The following SAE1 variants were observed in gnomAD, a reference collection of about 807,000 sequenced individuals.
SAE1 encodes SUMO1 activating enzyme subunit 1, also known as SUMO-activating enzyme subunit 1.
SAE1 carries 11 observed loss-of-function variants against 40.6 expected under a neutral mutation model. That is an observed-to-expected ratio of 0.27 (90% CI 0.17 to 0.45). The LOEUF (loss-of-function observed/expected upper bound fraction) is 0.45. Ranked by LOEUF, SAE1 falls within the 20% of genes least tolerant of loss-of-function variation. The pLI is 1.00. For synonymous variants in SAE1, 155 were observed against 154.3 expected (o/e 1.00, Z -0.03); for missense variants, 373 against 427.3 (o/e 0.87, Z 1.12).
intron 6 of SAE1, among the ~76,000 whole-genome samples, chr19:47,186,000 G>A (rs2058542089): frequency 6.6e-6 from 1 of 151,694 alleles, no homozygotes; most frequent in Non-Finnish European, 1.5e-5. Flanking sequence ...AGCACTTTGG[G>A]AGGCCTAGGT....
chr19:47,200,306 C>T (rs1385471265), intron 7 of SAE1, among the ~76,000 whole-genome samples: 1 of 149,756 alleles, frequency 6.7e-6, no homozygotes, highest in Non-Finnish European at 1.5e-5. Context: ...CATCATAGCT[C>T]ACTGCAGCAT....
chr19:47,184,680 G>A (rs2123284789), intron 6 of SAE1, among the ~76,000 whole-genome samples: 1 of 152,040 alleles, frequency 6.6e-6, no homozygotes, highest in East Asian at 1.9e-4. Flanking sequence ...CAAAGTGCTG[G>A]GATTACAGGC....
chr19:47,203,316 A>T (rs1451785716), intron 7 of SAE1, among the ~76,000 whole-genome samples: 1 of 152,162 alleles, frequency 6.6e-6, no homozygotes, highest in Non-Finnish European at 1.5e-5. Context: ...ACTGGCCATT[A>T]TGGGTAAGAA....
At chr19:47,131,195 T>A (rs1236503628) in intron 1 of SAE1, 167 bp downstream of exon 1, 1 of 1,380,002 alleles carries the variant, frequency 7.2e-7, no homozygotes, top group Middle Eastern at 2.7e-4. Context: ...TGATTGGGGA[T>A]GTTTCTGGAA....
At chr19:47,172,365 G>A (rs914946277) in intron 6 of SAE1, among the ~76,000 whole-genome samples, 5 of 152,210 alleles carry the variant, frequency 3.3e-5, no homozygotes, top group East Asian at 1.9e-4. Context: ...CCAGCAGTAA[G>A]AGCAGAGTCT....
chr19:47,189,428 G>A (rs2058565391), intron 6 of SAE1, among the ~76,000 whole-genome samples: 3 of 152,152 alleles, frequency 2.0e-5, no homozygotes, highest in Non-Finnish European at 2.9e-5. Context: ...GGGCGTAGTG[G>A]TGCGTGCCTG....
intron 7 of SAE1, among the ~76,000 whole-genome samples, chr19:47,200,088 G>A (rs749665937): frequency 1.3e-5 from 2 of 151,872 alleles, no homozygotes; most frequent in African/African-American, 2.4e-5. Context: ...CCGCCACCAC[G>A]CCCAGCTAAT....
In SAE1 at chr19:47,137,728, TTG is replaced by T. The variant is rs869029455; in HGVS notation, c.99-5764_99-5763del. Among the ~76,000 whole-genome samples, 132 of 96,572 alleles carry T rather than the reference TTG, an allele frequency of 1.4e-3. No homozygotes were observed. In the East Asian group the frequency reaches 0.035, roughly 26 times the overall value. The allele number at this position is 96,572 out of a possible 152,430, so 63.4% of individuals were successfully genotyped here. A position where few individuals can be genotyped will look rare whatever the true frequency, so the allele number is the denominator to read the frequency against. The stretch of plus-strand genomic sequence containing the variant: ...TTGTGTGTGTGTGTGTGTGTGTGTG[TTG>T]TTTTTTTTTTTTTTTTGTGATGGAC... On this transcript the variant is annotated intron_variant, in intron 1 of 8. Transcript: ENST00000270225.
intron 5 of SAE1, among the ~76,000 whole-genome samples, chr19:47,159,491 A>G (rs1456201633): frequency 6.6e-6 from 1 of 151,718 alleles, no homozygotes; most frequent in Non-Finnish European, 1.5e-5. Context: ...ATATTTGTTC[A>G]GTGTACTGGT....
chr19:47,186,139 C>G (rs1334925372), intron 6 of SAE1, among the ~76,000 whole-genome samples: 1 of 151,644 alleles, frequency 6.6e-6, no homozygotes. Flanking sequence ...ACTAGGGAGG[C>G]TGAAGCAGGA....
chr19:47,163,924 C>T (rs939045282), intron 5 of SAE1, among the ~76,000 whole-genome samples: 16 of 151,716 alleles, frequency 1.1e-4, no homozygotes, highest in African/African-American at 3.6e-4. Context: ...CTTGTGCTAC[C>T]ACACCCGGCT....
intron 5 of SAE1, among the ~76,000 whole-genome samples, chr19:47,164,444 G>C (rs953434303): frequency 1.3e-5 from 2 of 152,188 alleles, no homozygotes; most frequent in South Asian, 4.1e-4. Flanking sequence ...TGGGATTACA[G>C]GCATGAGCCA....
chr19:47,172,213 T>G (rs2058439087), intron 6 of SAE1, among the ~76,000 whole-genome samples: 1 of 152,172 alleles, frequency 6.6e-6, no homozygotes, highest in African/African-American at 2.4e-5. Flanking sequence ...GCCACCACGC[T>G]CAGCTGGATG....
chr19:47,153,104 A>G, intron 4 of SAE1, 64 bp downstream of exon 4: 1 of 1,382,138 alleles, frequency 7.2e-7, no homozygotes, highest in Non-Finnish European at 9.9e-7. Context: ...TTTTTTTTAA[A>G]TTATGTATTT....
intron 6 of SAE1, among the ~76,000 whole-genome samples, chr19:47,175,252 C>T (rs2058462312): frequency 6.6e-6 from 1 of 151,448 alleles, no homozygotes; most frequent in African/African-American, 2.4e-5. Context: ...GTTCCTGGCA[C>T]CTAAGTTGAT....
chr19:47,172,745 C>T (rs2058442119), intron 6 of SAE1, among the ~76,000 whole-genome samples: 1 of 149,994 alleles, frequency 6.7e-6, no homozygotes, highest in Non-Finnish European at 1.5e-5. Context: ...TCATCTACTC[C>T]AGAGTTGAAA....
rs546770768 is a variant in SAE1, at chr19:47,158,700, T to G, written c.627+3487T>G. The stretch of plus-strand genomic sequence containing the variant: ...TCCATGAGTTGCAGAATGCCTACTG[T>G]GTGCAAGGCACTGTGTTGAGTGCAG... On this transcript the variant is annotated intron_variant, in intron 5 of 8. Coordinates refer to ENST00000270225, the MANE Select transcript of SAE1 (RefSeq NM_005500.3). Among the ~76,000 whole-genome samples the G allele has an allele frequency of 1.6e-3, 247 of 152,332 alleles. 1 individual carries two copies. Among genetic ancestry groups the G allele is most frequent in the African/African-American group, 5.8e-3 (242 of 41,578 alleles).
In SAE1 at chr19:47,160,675, G is replaced by A. The variant is rs545215243; in HGVS notation, c.627+5462G>A. On this transcript the variant is annotated intron_variant, in intron 5 of 8. Transcript: ENST00000270225. The stretch of plus-strand genomic sequence containing the variant: ...CTCCCAAAGTGCTGGGATTACAGGC[G>A]TGAGCCACCGTGCCCAGCCTAATTT... Among the ~76,000 whole-genome samples the A allele has an allele frequency of 5.3e-5, 8 of 152,110 alleles. No individual in the cohort carries two copies. The South Asian group carries it at 8.3e-4, about 16-fold the overall frequency.
rs1397934657 is a variant in SAE1, at chr19:47,210,128, C to T, written c.*877C>T. ...CTAAACCACAGCTGTTTGTGTTTCA[C>T]ATATGTTGTGAATTTTCCTTGGTTC... On this transcript the variant is annotated 3_prime_UTR_variant, in exon 9 of 9. Transcript: ENST00000270225. 1 of 152,158 alleles carries T rather than the reference C, an allele frequency of 6.6e-6. No individual in the cohort carries two copies. The highest frequency in any genetic ancestry group is 2.4e-5 in the African/African-American group (1 of 41,436). The allele number at this position is 152,158 out of a possible 1,614,324, so 9.4% of individuals were successfully genotyped here. A position where few individuals can be genotyped will look rare whatever the true frequency, so the allele number is the denominator to read the frequency against.
Sources: gnomAD v4.1 joint callset for allele counts (sites outside exome capture counted in the v4.1 genomes callset) on GRCh38, gnomAD v4.1.1 for gene constraint, MANE v1.5 for transcripts, NCBI Gene and HGNC (gene_info 2026-07-23, HGNC 2026-07-21) for gene names.